ERICH6: variants seen among roughly 807,000 people sequenced by gnomAD.
The protein encoded by ERICH6 is glutamate rich 6, also known as glutamate-rich protein 6.
Under a neutral mutation model 71.0 loss-of-function variants are expected in ERICH6, and 71 were observed. The observed-to-expected ratio is 1.00, with a 90% confidence interval of 0.83 to 1.22. The LOEUF (loss-of-function observed/expected upper bound fraction) is 1.22. ERICH6 is among the 50% of genes most tolerant of loss of function. The pLI, the probability that ERICH6 is intolerant of heterozygous loss-of-function variation, is 0.00. For missense variants in ERICH6, 808 were observed against 797.2 expected, an observed-to-expected ratio of 1.01 and a Z score of -0.16; for synonymous variants, 262 against 278.4, an observed-to-expected ratio of 0.94 and a Z score of 0.59.
intron 6 of ERICH6, among the ~76,000 whole-genome samples, chr3:150,685,389 G>A (rs894630230): frequency 6.6e-6 from 1 of 152,192 alleles, no homozygotes; most frequent in South Asian, 2.1e-4. Context: ...TTGGAGTGAT[G>A]CAGCTGCAAG....
At chr3:150,667,907 C>T (rs1041167484) in intron 12 of ERICH6, among the ~76,000 whole-genome samples, 1 of 152,072 alleles carries the variant, frequency 6.6e-6, no homozygotes, top group Non-Finnish European at 1.5e-5. Context: ...AAGGAAAAGA[C>T]CTCTTTCTAA....
chr3:150,702,187 T>G lies in ERICH6; in HGVS notation c.404-9A>C. 1 of 1,568,254 alleles carries G rather than the reference T, an allele frequency of 6.4e-7. No homozygotes were observed. Among genetic ancestry groups the G allele is most frequent in the Admixed American group, 1.7e-5 (1 of 57,184 alleles). ...AAATATTTTAGGGAAACCTGTTGAA[T>G]GAAACATTTAAAAATCAGCTATTCC... is the stretch of plus-strand genomic sequence containing the variant. On this transcript the variant is annotated splice_polypyrimidine_tract_variant and intron_variant, in intron 1 of 13. Coordinates refer to ENST00000295910, the MANE Select transcript of ERICH6 (RefSeq NM_152394.5).
At position 150,678,427 on chromosome 3, in the gene ERICH6, A is replaced by T; in HGVS notation, c.1239T>A (p.Ser413=). ...NSNMSIICCD[S]RIACGKVVRN... ...TCATTACCTTTCCACATGCTATCCG[A>T]GAATCACAACAAATGATAGACATGT... Residue 413 remains serine (S), a synonymous_variant, in exon 10 of 14, where the codon TCT becomes TCA. Coordinates refer to ENST00000295910, the MANE Select transcript of ERICH6 (RefSeq NM_152394.5). 3.2e-5 allele frequency: 50 copies of T among 1,577,992 alleles called. No homozygotes were observed. The highest frequency in any genetic ancestry group is 4.2e-5 in the Non-Finnish European group (49 of 1,169,080).
Position 150,703,885 on chromosome 3 carries a change from C to T in ERICH6, c.14G>A (p.Arg5His). 1 of 1,613,938 alleles carries T rather than the reference C, an allele frequency of 6.2e-7. No individual in the cohort carries two copies. ...CGGGTCTCCGAAGCCGCTAGGCGAG[C>T]GCAAGTGGGCCATGGCTGGCGGGAG... MAHL[R>H]SPSGFGDPGK... The change falls in exon 1 of 14, where the codon CGC becomes CAC. Residue 5 changes from arginine to histidine, a missense_variant. Arg to His is a conservative substitution (Grantham distance 29). This residue lies in a region of ERICH6 where 53 missense variants were observed against 40.6 expected (regional missense o/e 1.30). Transcript: ENST00000295910.
intron 7 of ERICH6, among the ~76,000 whole-genome samples, chr3:150,681,591 C>CTGTATGTTG (rs1268294086): frequency 6.6e-6 from 1 of 152,132 alleles, no homozygotes; most frequent in Non-Finnish European, 1.5e-5. Flanking sequence ...CATATGGTTA[C>CTGTATGTTG]TGTATGTTGA....
At chr3:150,669,232 G>GA (rs1352591122) in intron 12 of ERICH6, 64 bp downstream of exon 12, 3 of 1,503,192 alleles carry the variant, frequency 2.0e-6, no homozygotes, top group African/African-American at 1.4e-5. Context: ...CATTTAAAAA[G>GA]AAAAAACAAA....
chr3:150,667,487 G>A (rs1032600358), intron 12 of ERICH6, among the ~76,000 whole-genome samples: 3 of 152,156 alleles, frequency 2.0e-5, no homozygotes, highest in Non-Finnish European at 4.4e-5. Flanking sequence ...GTCCTTCCAG[G>A]AGTCCTCCCA....
At position 150,701,962 on chromosome 3, in the gene ERICH6, C is replaced by G. The variant is rs910112014; in HGVS notation, c.461+159G>C. Among the ~76,000 whole-genome samples, 5 of 152,128 alleles carry G rather than the reference C, an allele frequency of 3.3e-5. No individual in the cohort carries two copies. In the South Asian group the frequency reaches 1.0e-3, roughly 31 times the overall value. On this transcript the variant is annotated intron_variant, in intron 2 of 13. Transcript: ENST00000295910. ...GCTGGGGATAAGTGGGAACCTTTAT[C>G]TCTTTCAAAGTGTCTACCAGTGTAT...
chr3:150,678,005 C>T (rs923338859), intron 10 of ERICH6, among the ~76,000 whole-genome samples: 2 of 152,114 alleles, frequency 1.3e-5, no homozygotes, highest in African/African-American at 4.8e-5. Flanking sequence ...TGTGGAATGG[C>T]TAGCGTGACT....
intron 9 of ERICH6, among the ~76,000 whole-genome samples, chr3:150,678,949 G>C (rs979040975): frequency 1.4e-5 from 2 of 142,068 alleles, no homozygotes; most frequent in South Asian, 2.2e-4. Flanking sequence ...GCTAAGGCAG[G>C]AAAATTGAAC....
rs1376639069 is a variant in ERICH6, at chr3:150,699,717, T to C, written c.462-835A>G. 4.5e-5 allele frequency among the ~76,000 whole-genome samples: 5 copies of C among 111,538 alleles called. No individual in the cohort carries two copies. In the East Asian group the frequency reaches 1.2e-3, roughly 27 times the overall value. The allele number at this position is 111,538 out of a possible 152,430, so 73.2% of individuals were successfully genotyped here. A position where few individuals can be genotyped will look rare whatever the true frequency, so the allele number is the denominator to read the frequency against. ...TATTAGAACAAAGCCCTCAAAGAGA[T>C]AAAAACAAAAAAAAAAAACACAAAA... On this transcript the variant is annotated intron_variant, in intron 2 of 13. Coordinates refer to ENST00000295910, the MANE Select transcript of ERICH6 (RefSeq NM_152394.5).
chr3:150,673,441 A>C (rs1399369819), intron 11 of ERICH6, among the ~76,000 whole-genome samples: 1 of 152,154 alleles, frequency 6.6e-6, no homozygotes, highest in Non-Finnish European at 1.5e-5. Flanking sequence ...CTCCTGCCTC[A>C]GCCTCCCAAA....
At position 150,703,615 on chromosome 3, in the gene ERICH6, C is replaced by T; in HGVS notation, c.284G>A (p.Arg95His). ...GCTGACGATGCTGGCTAAGCGGGGG[C>T]GCACGTCTGGGAAGTCGTCGTCGTA... is the stretch of plus-strand genomic sequence containing the variant. ...GDYDDDFPDV[R>H]PRLASIVSPS... is the part of the protein sequence containing the mutation. Residue 95 changes from arginine (R) to histidine (H), a missense_variant, in exon 1 of 14, where the codon CGC becomes CAC. Coordinates refer to ENST00000295910, the MANE Select transcript of ERICH6 (RefSeq NM_152394.5). 1 of 1,613,950 alleles carries T rather than the reference C, an allele frequency of 6.2e-7. No homozygotes were observed. The highest frequency in any genetic ancestry group is 8.5e-7 in the Non-Finnish European group (1 of 1,179,976).
At chr3:150,692,814 C>A (rs1308836711) in intron 3 of ERICH6, among the ~76,000 whole-genome samples, 1 of 152,014 alleles carries the variant, frequency 6.6e-6, no homozygotes, top group Non-Finnish European at 1.5e-5. Flanking sequence ...TTTTGGTGCA[C>A]TTTAGAAGGT....
At chr3:150,696,839 A>G (rs1712673707) in intron 3 of ERICH6, among the ~76,000 whole-genome samples, 1 of 152,180 alleles carries the variant, frequency 6.6e-6, no homozygotes, top group Non-Finnish European at 1.5e-5. Context: ...ATGGACGCAT[A>G]CTTTGGGTCA....
rs375089774 is a variant in ERICH6 at position 150,678,902 on chromosome 3, G to A, written c.1112-348C>T. Reference sequence around the variant, plus strand: ...CCAAAAATACAAACATTAACTGGGCGTGGTGGCGTGTGCCTGTAATCCCAG... The same window carrying A: ...CCAAAAATACAAACATTAACTGGGCATGGTGGCGTGTGCCTGTAATCCCAG... On this transcript the variant is annotated intron_variant, in intron 9 of 13. Transcript: ENST00000295910. Among the ~76,000 whole-genome samples the A allele has an allele frequency of 2.2e-4, 34 of 152,010 alleles. 1 individual carries two copies. The highest frequency in any genetic ancestry group is 1.0e-3 in the South Asian group (5 of 4,806).
At position 150,698,788 on chromosome 3, in the gene ERICH6, C is replaced by T. The variant is rs759018055; in HGVS notation, c.553+3G>A. On this transcript the variant is annotated splice_donor_region_variant and intron_variant, in intron 3 of 13. Transcript: ENST00000295910. ...GGAAAAGCTAAGAAATCAAACTACTCACTCGATTGCACTTTATCAGACAAA... is the reference window on the plus strand; with the variant it reads ...GGAAAAGCTAAGAAATCAAACTACTTACTCGATTGCACTTTATCAGACAAA... 6.8e-6 allele frequency: 11 copies of T among 1,611,294 alleles called. No homozygotes were observed. Among genetic ancestry groups the T allele is most frequent in the Middle Eastern group, 3.3e-4 (2 of 6,056 alleles).
intron 11 of ERICH6, among the ~76,000 whole-genome samples, chr3:150,670,649 G>A (rs777181530): frequency 9.9e-5 from 15 of 151,982 alleles, no homozygotes; most frequent in Non-Finnish European, 1.6e-4. Flanking sequence ...TATTAAACCC[G>A]ATAAATGAGT....
At chr3:150,696,127 G>A (rs1712648569) in intron 3 of ERICH6, among the ~76,000 whole-genome samples, 1 of 151,848 alleles carries the variant, frequency 6.6e-6, no homozygotes, top group Non-Finnish European at 1.5e-5. Flanking sequence ...TCACATGTGT[G>A]TATGTACACA....
Sources: gnomAD v4.1 joint callset for allele counts (sites outside exome capture counted in the v4.1 genomes callset) on GRCh38, gnomAD v4.1.1 for gene constraint, gnomAD v4.1.1 regional missense constraint, MANE v1.5 for transcripts, NCBI Gene and HGNC (gene_info 2026-07-23, HGNC 2026-07-21) for gene names.